The following PLCL1 variants were observed in gnomAD, a reference collection of about 807,000 sequenced individuals.
PLCL1 encodes inactive phospholipase C-like protein 1.
PLCL1 carries 41 observed loss-of-function variants against 84.4 expected under a neutral mutation model. The ratio of observed to expected loss-of-function variants is 0.49; its 90% CI spans 0.38 to 0.63. The LOEUF (loss-of-function observed/expected upper bound fraction) is 0.63. Ranked by LOEUF, PLCL1 falls within the 30% of genes least tolerant of loss-of-function variation. PLCL1 has a pLI of 0.00. For missense variants in PLCL1, 1,206 were observed against 1,367.8 expected, an observed-to-expected ratio of 0.88 and a Z score of 1.87; for synonymous variants, 490 against 488.3, an observed-to-expected ratio of 1.00 and a Z score of -0.05.
chr2:198,131,359 A>G (rs1482813940), intron 5 of PLCL1, among the ~76,000 whole-genome samples: 1 of 151,966 alleles, frequency 6.6e-6, no homozygotes, highest in Non-Finnish European at 1.5e-5. Context: ...TTCCCACAGA[A>G]CTCTGCTATT....
intron 1 of PLCL1, among the ~76,000 whole-genome samples, chr2:197,975,502 A>G (rs373863544): frequency 1.8e-4 from 27 of 152,066 alleles, no homozygotes; most frequent in African/African-American, 6.3e-4. Context: ...GCTATCATCT[A>G]CATTTCTGTC....
chr2:197,993,761 T>C (rs1690396915), intron 1 of PLCL1, among the ~76,000 whole-genome samples: 1 of 152,182 alleles, frequency 6.6e-6, no homozygotes, highest in African/African-American at 2.4e-5. Context: ...CTTGTTCTTG[T>C]CTTCTGCAGG....
intron 1 of PLCL1, among the ~76,000 whole-genome samples, chr2:198,051,017 G>A (rs190193890): frequency 4.8e-4 from 73 of 152,316 alleles, no homozygotes; most frequent in African/African-American, 1.7e-3. Flanking sequence ...CAACGACAAC[G>A]TAAAGAATGA....
intron 1 of PLCL1, among the ~76,000 whole-genome samples, chr2:197,897,578 AC>A (rs1688178523): frequency 6.6e-6 from 1 of 152,102 alleles, no homozygotes; most frequent in African/African-American, 2.4e-5. Flanking sequence ...TGAGAAAAAA[AC>A]AAACAAAAAT....
chr2:198,029,543 C>T (rs142806519), intron 1 of PLCL1, among the ~76,000 whole-genome samples: 295 of 152,168 alleles, frequency 1.9e-3, no homozygotes, highest in African/African-American at 6.7e-3. Flanking sequence ...GGGTTTTAGA[C>T]AAATGAAAGT....
chr2:198,004,183 A>G (rs1188524226), intron 1 of PLCL1, among the ~76,000 whole-genome samples: 1 of 152,130 alleles, frequency 6.6e-6, no homozygotes, highest in African/African-American at 2.4e-5. Flanking sequence ...AATTTCTACA[A>G]ATGTTCTGCT....
rs1376506871 is a variant in PLCL1, at chr2:197,866,158, A to G, written c.240+60819A>G. ...ATATATAAACTATATATATATATAA[A>G]CTATATATATATATAAACTATATAT... On this transcript the variant is annotated intron_variant, in intron 1 of 5. Coordinates refer to ENST00000428675, the MANE Select transcript of PLCL1 (RefSeq NM_006226.4). 3.6e-4 allele frequency among the ~76,000 whole-genome samples: 5 copies of G among 13,746 alleles called. 1 individual carries two copies. Among genetic ancestry groups the G allele is most frequent in the East Asian group, 3.2e-3 (4 of 1,258 alleles). 9.0% of individuals were successfully genotyped at this position (13,746 alleles called of 152,430 possible).
At chr2:198,137,181 A>G (rs1694274176) in intron 5 of PLCL1, among the ~76,000 whole-genome samples, 1 of 152,200 alleles carries the variant, frequency 6.6e-6, no homozygotes, top group Non-Finnish European at 1.5e-5. Flanking sequence ...AGAGATTAAG[A>G]AAAACAACTC....
chr2:197,903,638 C>T (rs1259194251), intron 1 of PLCL1, among the ~76,000 whole-genome samples: 1 of 143,646 alleles, frequency 7.0e-6, no homozygotes, highest in Non-Finnish European at 1.5e-5. Flanking sequence ...TGCCCGCCAC[C>T]ACGCCCAGCT....
At chr2:197,978,982 G>A (rs73989710) in intron 1 of PLCL1, among the ~76,000 whole-genome samples, 2,679 of 152,302 alleles carry the variant, frequency 0.018, 68 homozygotes, top group African/African-American at 0.062. Flanking sequence ...ACAGAGTGAC[G>A]CTATTCAAGG....
chr2:198,100,415 A>G (rs905083607), intron 3 of PLCL1, among the ~76,000 whole-genome samples: 3 of 152,112 alleles, frequency 2.0e-5, no homozygotes, highest in African/African-American at 7.2e-5. Flanking sequence ...AGGAGAGGGC[A>G]CTGAAGTGAG....
chr2:198,041,260 C>A (rs1159650214), intron 1 of PLCL1, among the ~76,000 whole-genome samples: 1 of 152,200 alleles, frequency 6.6e-6, no homozygotes, highest in Non-Finnish European at 1.5e-5. Flanking sequence ...CTCTTTTTAG[C>A]TTTCTCAGAA....
chr2:197,982,286 C>A (rs1690122777), intron 1 of PLCL1, among the ~76,000 whole-genome samples: 1 of 151,936 alleles, frequency 6.6e-6, no homozygotes, highest in African/African-American at 2.4e-5. Flanking sequence ...CCCTTTGTAT[C>A]TCTACTGTCT....
intron 1 of PLCL1, among the ~76,000 whole-genome samples, chr2:197,924,176 A>AGAGGGG (rs1688788798): frequency 1.4e-5 from 2 of 146,782 alleles, no homozygotes; most frequent in East Asian, 4.1e-4. Flanking sequence ...AGGGAGAGGG[A>AGAGGGG]GAGGGAGAGG....
chr2:197,886,098 T>A (rs1687917399), intron 1 of PLCL1, among the ~76,000 whole-genome samples: 1 of 152,118 alleles, frequency 6.6e-6, no homozygotes, highest in Non-Finnish European at 1.5e-5. Context: ...TCTGCTAAGA[T>A]GCCAACACAT....
At chr2:198,065,172 G>C (rs7573001) in intron 1 of PLCL1, among the ~76,000 whole-genome samples, 43,395 of 151,974 alleles carry the variant, frequency 0.29, 7,669 homozygotes, top group Middle Eastern at 0.49. Context: ...ATTAATCTAA[G>C]TTTTTCATTT....
intron 1 of PLCL1, among the ~76,000 whole-genome samples, chr2:197,872,538 G>T (rs1687666210): frequency 6.6e-6 from 1 of 152,104 alleles, no homozygotes; most frequent in Admixed American, 6.6e-5. Flanking sequence ...ACTGTATTCA[G>T]CTCTACCATT....
At chr2:197,876,579 C>T (rs763984888) in intron 1 of PLCL1, among the ~76,000 whole-genome samples, 8 of 152,024 alleles carry the variant, frequency 5.3e-5, no homozygotes, top group Middle Eastern at 6.8e-3. Flanking sequence ...TCTTATACTA[C>T]CTTGTTTTTT....
intron 1 of PLCL1, among the ~76,000 whole-genome samples, chr2:197,981,727 A>G (rs1212312319): frequency 6.6e-6 from 1 of 152,218 alleles, no homozygotes; most frequent in East Asian, 1.9e-4. Flanking sequence ...GAATTTATCC[A>G]TAGCAATCTG....
Sources: allele counts gnomAD v4.1 joint callset (sites outside exome capture counted in the v4.1 genomes callset), GRCh38; gene constraint gnomAD v4.1.1; transcripts MANE v1.5; gene names NCBI Gene and HGNC (gene_info 2026-07-23, HGNC 2026-07-21).